Variants in TFEC observed in about 807,000 individuals in gnomAD.
TFEC encodes the protein class E basic helix-loop-helix protein 34.
TFEC carries 31 observed loss-of-function variants against 41.6 expected under a neutral mutation model. That is an observed-to-expected ratio of 0.74 (90% CI 0.56 to 1.01). TFEC has a LOEUF of 1.01. Among genes scored for constraint, TFEC ranks in the 50% least tolerant of loss-of-function variants. The probability of loss-of-function intolerance (pLI) is 0.00; values close to 1 mark genes in which losing one functional copy is unlikely to be tolerated. For missense variants in TFEC, 402 were observed against 404.1 expected (o/e 0.99, Z 0.04); for synonymous variants, 143 against 140.6 (o/e 1.02, Z -0.12).
rs376629661 is a variant in TFEC, at chr7:116,044,764, G to A, written c.199-60251C>T. Among the ~76,000 whole-genome samples, 47 of 152,332 alleles carry A rather than the reference G, an allele frequency of 3.1e-4. No individual in the cohort carries two copies. In the East Asian group the frequency reaches 6.6e-3, roughly 21 times the overall value. On this transcript the variant is annotated intron_variant, in intron 3 of 8. Transcript: ENST00000484212. Reference sequence around the variant, plus strand: ...ATCTGCCAGCTGCCTTTCTCAGGCTGGGAGGCATAATCTGTAGTTCCACTT... The same window carrying A: ...ATCTGCCAGCTGCCTTTCTCAGGCTAGGAGGCATAATCTGTAGTTCCACTT...
upstream of TFEC, among the ~76,000 whole-genome samples, chr7:116,033,817 C>T (rs1369516807): frequency 7.2e-5 from 11 of 152,130 alleles, no homozygotes; most frequent in Non-Finnish European, 4.4e-5. Flanking sequence ...CTTCTCTGAA[C>T]CCTACTTCTC....
intron 3 of TFEC, among the ~76,000 whole-genome samples, chr7:116,082,330 T>C (rs993639004): frequency 1.3e-5 from 2 of 151,998 alleles, no homozygotes; most frequent in Non-Finnish European, 2.9e-5. Context: ...ATATCAGAGA[T>C]AGGAGGACCT....
chr7:116,108,669 A>G (rs1369411230), intron 3 of TFEC, among the ~76,000 whole-genome samples: 3 of 152,124 alleles, frequency 2.0e-5, no homozygotes, highest in African/African-American at 4.8e-5. Flanking sequence ...TAAGTCACCA[A>G]CTATAGGAAT....
rs1456851603 is a variant in TFEC, at chr7:115,937,518, G to A, written c.*3033C>T. 2.6e-5 allele frequency: 4 copies of A among 151,696 alleles called. No homozygotes were observed. The highest frequency in any genetic ancestry group is 1.3e-4 in the Admixed American group (2 of 15,184). The allele number at this position is 151,696 out of a possible 1,614,324, so 9.4% of individuals were successfully genotyped here. ...GCATCATTTCAAAATGTTATGGTCA[G>A]ATGTTTATAACACTCAGTAATTATA... is the stretch of plus-strand genomic sequence containing the variant. On this transcript the variant is annotated 3_prime_UTR_variant, in exon 8 of 8. Transcript: ENST00000265440.
In TFEC at chr7:115,974,216, C is replaced by G; in HGVS notation, c.221G>C (p.Ser74Thr). Residue 74 changes from serine to threonine, a missense_variant, in exon 3 of 8, where the codon AGT becomes ACT. Coordinates refer to ENST00000265440, the MANE Select transcript of TFEC (RefSeq NM_012252.4). ...VIEDIIGMES[S>T]FKEEGADSPL... ...AGAGTCTGCTCCTTCCTCTTTAAAA[C>G]TTGATTCCATACCGATTATATCCTC... 1 of 1,595,604 alleles carries G rather than the reference C, an allele frequency of 6.3e-7. No individual in the cohort carries two copies. Among genetic ancestry groups the G allele is most frequent in the Non-Finnish European group, 8.5e-7 (1 of 1,171,916 alleles).
At chr7:115,969,710 C>T (rs1793044681) in intron 3 of TFEC, among the ~76,000 whole-genome samples, 1 of 151,914 alleles carries the variant, frequency 6.6e-6, no homozygotes, top group Admixed American at 6.6e-5. Flanking sequence ...ATTCTGGCTG[C>T]TCTGTGAAGA....
At chr7:116,119,935 T>C (rs1381734697) in intron 1 of TFEC, among the ~76,000 whole-genome samples, 4 of 151,038 alleles carry the variant, frequency 2.6e-5, no homozygotes, top group Admixed American at 1.3e-4. Context: ...GTTAATTACA[T>C]TGGAAATGCT....
chr7:115,940,828 T>C lies in TFEC; in HGVS notation c.767A>G (p.Gln256Arg). The C allele has an allele frequency of 3.1e-6, 5 of 1,613,554 alleles. No individual in the cohort carries two copies. Among genetic ancestry groups the C allele is most frequent in the Non-Finnish European group, 4.2e-6 (5 of 1,179,628 alleles). Residue 256 changes from glutamine to arginine, a missense_variant, in exon 8 of 8, where the codon CAG (glutamine) becomes CGG (arginine). Transcript: ENST00000265440. ...TTGTTGGCAATAGTCTACTGAATTC[T>C]GCTCAGGATGGCTCTGCTGTTTGGT... ...HVTKQQSHPE[Q>R]NSVDYCQQLT...
chr7:115,948,544 A>G (rs1390984961), intron 6 of TFEC, among the ~76,000 whole-genome samples: 4 of 152,334 alleles, frequency 2.6e-5, no homozygotes, highest in African/African-American at 9.6e-5. Context: ...CTGGTTCAAT[A>G]TATGCAAATC....
In TFEC at chr7:116,062,225, C is replaced by CTTTTTTTTTTT. The variant is rs569480964; in HGVS notation, c.198+48472_198+48482dup. Among the ~76,000 whole-genome samples the CTTTTTTTTTTT allele has an allele frequency of 1.1e-3, 58 of 51,912 alleles. 3 individuals are homozygous for CTTTTTTTTTTT. The highest frequency in any genetic ancestry group is 3.7e-3 in the African/African-American group (33 of 8,896). 34.1% of individuals were successfully genotyped at this position (51,912 alleles called of 152,430 possible). A position where few individuals can be genotyped will look rare whatever the true frequency, so the allele number is the denominator to read the frequency against. ...ACAGGCATGTGCCAACATGCCTGGC[C>CTTTTTTTTTTT]TTTTTTTTTTTTTTTTTTTTTTTTT... On this transcript the variant is annotated intron_variant, in intron 3 of 8. Coordinates refer to the TFEC transcript ENST00000484212.
chr7:115,941,824 A>G (rs1002895452), intron 7 of TFEC, 69 bp downstream of exon 7: 32 of 1,479,786 alleles, frequency 2.2e-5, no homozygotes, highest in Admixed American at 1.6e-4. Flanking sequence ...AATGAGACCA[A>G]TGAAGAAAAC....
At chr7:115,985,237 C>A (rs1317894799) in intron 1 of TFEC, among the ~76,000 whole-genome samples, 1 of 152,080 alleles carries the variant, frequency 6.6e-6, no homozygotes, top group Non-Finnish European at 1.5e-5. Flanking sequence ...CTGCCAAAAT[C>A]CCTTTTTCAA....
intron 1 of TFEC, among the ~76,000 whole-genome samples, chr7:116,024,516 T>C (rs1255914846): frequency 6.6e-6 from 1 of 152,144 alleles, no homozygotes; most frequent in African/African-American, 2.4e-5. Flanking sequence ...GAGACAACAT[T>C]ACTTGCCCCA....
intron 1 of TFEC, among the ~76,000 whole-genome samples, chr7:116,019,923 T>C (rs1462264094): frequency 6.6e-6 from 1 of 152,170 alleles, no homozygotes; most frequent in East Asian, 1.9e-4. Flanking sequence ...TCAAACCAAG[T>C]CTACTTCTAT....
chr7:116,136,704 AAT>A (rs1189939944), intron 1 of TFEC, among the ~76,000 whole-genome samples: 1 of 151,934 alleles, frequency 6.6e-6, no homozygotes, highest in Non-Finnish European at 1.5e-5. Context: ...CCTAAATAAA[AAT>A]GCAAGTCATA....
At chr7:116,120,064 G>A (rs1798077696) in intron 1 of TFEC, 1 of 151,706 alleles carries the variant, frequency 6.6e-6, no homozygotes, top group African/African-American at 2.4e-5. Flanking sequence ...AATATATTCG[G>A]TAAGATAAAG....
At chr7:116,069,081 T>A (rs1442521436) in intron 3 of TFEC, among the ~76,000 whole-genome samples, 2 of 151,676 alleles carry the variant, frequency 1.3e-5, no homozygotes, top group Non-Finnish European at 3.0e-5. Flanking sequence ...TGTTGAACTG[T>A]CATATATAGA....
At chr7:116,129,342 T>C (rs1490924266) in intron 1 of TFEC, among the ~76,000 whole-genome samples, 3 of 151,036 alleles carry the variant, frequency 2.0e-5, no homozygotes, top group African/African-American at 7.3e-5. Flanking sequence ...CTTTTTTTTT[T>C]CCTCCCTCAA....
In TFEC at chr7:115,952,486, T is replaced by G. The variant is rs1308120939; in HGVS notation, c.440-1537A>C. Among the ~76,000 whole-genome samples, 5 of 152,194 alleles carry G rather than the reference T, an allele frequency of 3.3e-5. No homozygotes were observed. In the East Asian group the frequency reaches 7.8e-4, roughly 24 times the overall value. On this transcript the variant is annotated intron_variant, in intron 5 of 7. Transcript: ENST00000265440. ...TTAAATACAAGATGAAGAACAACTA[T>G]GAAGGAAGTTCAGAGATTTTTTTCT...
Sources: allele counts gnomAD v4.1 joint callset (sites outside exome capture counted in the v4.1 genomes callset), GRCh38; gene constraint gnomAD v4.1.1; transcripts MANE v1.5; gene names NCBI Gene and HGNC (gene_info 2026-07-23, HGNC 2026-07-21).